Variants in PAN3 observed in about 807,000 individuals in gnomAD.
PAN3 encodes the protein PAN2-PAN3 deadenylation complex subunit PAN3.
Under a neutral mutation model 96.2 loss-of-function variants are expected in PAN3, and 19 were observed. The ratio of observed to expected loss-of-function variants is 0.20; its 90% CI spans 0.14 to 0.29. The LOEUF (loss-of-function observed/expected upper bound fraction) is 0.29, where lower values mean the gene tolerates loss of function less well. PAN3 is among the 10% of genes least tolerant of loss of function. PAN3 has a pLI of 1.00. For missense variants in PAN3, 882 were observed against 1,108.1 expected, an observed-to-expected ratio of 0.80 and a Z score of 2.90; for synonymous variants, 433 against 406.6, an observed-to-expected ratio of 1.06 and a Z score of -0.78.
chr13:28,179,618 C>T (rs1479081305), intron 4 of PAN3, among the ~76,000 whole-genome samples: 4 of 151,190 alleles, frequency 2.6e-5, no homozygotes, highest in Admixed American at 1.3e-4. Context: ...GTGGGAGAGT[C>T]GTTTGAGCCT....
chr13:28,231,536 A>C (rs1228819233), intron 6 of PAN3, among the ~76,000 whole-genome samples: 2 of 152,214 alleles, frequency 1.3e-5, no homozygotes, highest in Non-Finnish European at 2.9e-5. Context: ...AGATAGTCTT[A>C]AGTATCTATC....
At chr13:28,210,887 C>T (rs1166020709) in intron 5 of PAN3, among the ~76,000 whole-genome samples, 4 of 151,912 alleles carry the variant, frequency 2.6e-5, no homozygotes, top group Admixed American at 1.3e-4. Context: ...AATTGGGCTG[C>T]TCTTTAGGTC....
chr13:28,170,804 A>AT (rs893285805), intron 1 of PAN3, among the ~76,000 whole-genome samples: 17 of 150,442 alleles, frequency 1.1e-4, no homozygotes, highest in Non-Finnish European at 1.9e-4. Context: ...TTATTTTTTC[A>AT]TTTTTTTTTG....
intron 14 of PAN3, 198 bp downstream of exon 14, chr13:28,272,269 C>G (rs973767072): frequency 2.5e-6 from 1 of 394,380 alleles, no homozygotes; most frequent in Non-Finnish European, 4.5e-6. Context: ...TTCTTTCTCT[C>G]TCTTTTCCTT....
Position 28,292,632 on chromosome 13 carries a change from A to C in PAN3, c.*110A>C. The C allele has an allele frequency of 8.8e-7, 1 of 1,132,632 alleles. No homozygotes were observed. The highest frequency in any genetic ancestry group is 1.2e-6 in the Non-Finnish European group (1 of 829,670). 70.2% of individuals were successfully genotyped at this position (1,132,632 alleles called of 1,614,324 possible). A position where few individuals can be genotyped will look rare whatever the true frequency, so the allele number is the denominator to read the frequency against. ...TTCACATTTGGGAAACGAACAGGAG[A>C]TGAGCAAAGCTGCTTGCACTTCAGT... On this transcript the variant is annotated 3_prime_UTR_variant, in exon 19 of 19. Transcript: ENST00000380958.
chr13:28,149,635 G>A (rs1871112336), intron 1 of PAN3, among the ~76,000 whole-genome samples: 1 of 150,204 alleles, frequency 6.7e-6, no homozygotes, highest in Non-Finnish European at 1.5e-5. Context: ...TTTGTTTTTA[G>A]AGGTCTTGCT....
rs1593333378 is a variant in PAN3 at position 28,138,624 on chromosome 13, G to GGGC, written c.-25_-23dup. On this transcript the variant is annotated 5_prime_UTR_variant, in exon 1 of 19. Transcript: ENST00000380958. The stretch of plus-strand genomic sequence containing the variant: ...ATGGTGGTGGCGGCGGCGGCTCCTC[G>GGGC]GGCGGCGGCGGAAGACGAGGCTGCG... The GGGC allele has an allele frequency of 2.2e-6, 1 of 454,958 alleles. No individual in the cohort carries two copies. Among genetic ancestry groups the GGGC allele is most frequent in the Non-Finnish European group, 3.5e-6 (1 of 282,854 alleles). 28.2% of individuals were successfully genotyped at this position (454,958 alleles called of 1,614,324 possible). A position where few individuals can be genotyped will look rare whatever the true frequency, so the allele number is the denominator to read the frequency against.
intron 1 of PAN3, among the ~76,000 whole-genome samples, chr13:28,145,234 C>T (rs139710680): frequency 7.3e-5 from 11 of 151,622 alleles, no homozygotes; most frequent in East Asian, 1.9e-4. Flanking sequence ...TACATTTCCA[C>T]GGTCTTATTT....
intron 17 of PAN3, among the ~76,000 whole-genome samples, chr13:28,285,113 T>C (rs938236720): frequency 2.0e-5 from 3 of 152,174 alleles, no homozygotes; most frequent in African/African-American, 4.8e-5. Flanking sequence ...TGGGAAAATT[T>C]CCCCCATTCT....
chr13:28,270,606 T>G (rs1005556094), intron 12 of PAN3, 95 bp from the exon 13 acceptor site: 5 of 1,253,290 alleles, frequency 4.0e-6, no homozygotes, highest in Middle Eastern at 2.5e-4. Context: ...GTGCCATGAG[T>G]GTACATGAAT....
At chr13:28,248,329 T>G (rs918552466) in intron 6 of PAN3, among the ~76,000 whole-genome samples, 1 of 152,138 alleles carries the variant, frequency 6.6e-6, no homozygotes, top group African/African-American at 2.4e-5. Context: ...TGGAGTCTTT[T>G]GGTGTTTCTA....
chr13:28,278,340 A>G (rs1041957429), intron 15 of PAN3, among the ~76,000 whole-genome samples: 3 of 152,236 alleles, frequency 2.0e-5, no homozygotes, highest in African/African-American at 7.2e-5. Context: ...TCTTCTGAAT[A>G]AAAATACTTG....
At chr13:28,288,913 G>A (rs1382877260) in intron 18 of PAN3, among the ~76,000 whole-genome samples, 2 of 141,374 alleles carry the variant, frequency 1.4e-5, no homozygotes, top group African/African-American at 5.3e-5. Context: ...TGCAAGCTCC[G>A]CCTCCCGGGT....
intron 6 of PAN3, among the ~76,000 whole-genome samples, chr13:28,248,782 C>T (rs1884447163): frequency 2.6e-5 from 4 of 152,156 alleles, no homozygotes; most frequent in Admixed American, 2.6e-4. Context: ...CTTGGCCTCT[C>T]AAAGTGCTGG....
chr13:28,284,067 T>G (rs960971481), intron 17 of PAN3, among the ~76,000 whole-genome samples: 22 of 152,214 alleles, frequency 1.4e-4, no homozygotes, highest in Non-Finnish European at 8.8e-5. Context: ...GATTGCTAGG[T>G]CAGTAGGTGT....
chr13:28,292,161 A>G (rs956096225), intron 18 of PAN3, among the ~76,000 whole-genome samples: 3 of 152,208 alleles, frequency 2.0e-5, no homozygotes, highest in Non-Finnish European at 2.9e-5. Flanking sequence ...ATACAAACAA[A>G]CGTTAAGCGT....
chr13:28,254,696 T>C (rs902241869), intron 6 of PAN3, among the ~76,000 whole-genome samples: 1 of 151,034 alleles, frequency 6.6e-6, no homozygotes, highest in African/African-American at 2.5e-5. Context: ...TATAGTAATT[T>C]GGCTTCATAT....
chr13:28,162,458 G>A (rs1872994265), intron 1 of PAN3, among the ~76,000 whole-genome samples: 1 of 152,074 alleles, frequency 6.6e-6, no homozygotes, highest in Non-Finnish European at 1.5e-5. Context: ...GCCGAGGCGG[G>A]TGGATTGCAT....
intron 1 of PAN3, among the ~76,000 whole-genome samples, chr13:28,156,992 CAAAAAA>C (rs35448291): frequency 0.011 from 206 of 18,418 alleles, 1 homozygote; most frequent in Non-Finnish European, 0.015. Context: ...GAGACCCTGT[CAAAAAA>C]AAAAAAAAAA....
Sources: allele counts gnomAD v4.1 joint callset (sites outside exome capture counted in the v4.1 genomes callset), GRCh38; gene constraint gnomAD v4.1.1; transcripts MANE v1.5; gene names NCBI Gene and HGNC (gene_info 2026-07-23, HGNC 2026-07-21).